The following CAMTA2 variants were observed in gnomAD, a reference collection of about 807,000 sequenced individuals.
CAMTA2 encodes the protein calmodulin-binding transcription activator 2.
A neutral mutation model predicts 135.7 loss-of-function variants in CAMTA2; 56 were observed. That is an observed-to-expected ratio of 0.41 (90% CI 0.33 to 0.52). CAMTA2 has a LOEUF of 0.52. Ranked by LOEUF, CAMTA2 falls within the 20% of genes least tolerant of loss-of-function variation. The pLI, the probability that CAMTA2 is intolerant of heterozygous loss-of-function variation, is 0.16. For synonymous variants in CAMTA2, 591 were observed against 604.6 expected (o/e 0.98, Z 0.33); for missense variants, 1,358 against 1,553.4 (o/e 0.87, Z 2.11).
chr17:4,980,196 C>G lies in CAMTA2; in HGVS notation c.1126G>C (p.Asp376His). ...GGGCTGTTGAGAAAACGATCAGGGT[C>G]AAAGGCAGGACTGGGAGGAGCTGGT... ...APPAPPSPAF[D>H]PDRFLNSPQR... Residue 376 changes from aspartate (D) to histidine (H), a missense_variant, in exon 9 of 23, where the codon GAC (aspartate) becomes CAC (histidine). Asp to His is a moderately conservative substitution (Grantham distance 81). This residue lies in a region of CAMTA2 where 1,077 missense variants were observed against 1,127.5 expected (regional missense o/e 0.96). Coordinates refer to ENST00000348066, the MANE Select transcript of CAMTA2 (RefSeq NM_015099.4). The surrounding 1 kb of genome is among the most constrained non-coding windows in gnomAD (Gnocchi z 5.3). The G allele has an allele frequency of 2.5e-6, 4 of 1,575,970 alleles. No individual in the cohort carries two copies. The highest frequency in any genetic ancestry group is 3.4e-6 in the Non-Finnish European group (4 of 1,160,620).
At chr17:4,984,816 C>T (rs7222708) in intron 3 of CAMTA2, among the ~76,000 whole-genome samples, 10,454 of 151,034 alleles carry the variant, frequency 0.069, 473 homozygotes, top group Non-Finnish European at 0.098. Context: ...GTCTAGAGTT[C>T]GAGACCAGCC....
At chr17:4,978,816 C>T (rs1233107666) in intron 9 of CAMTA2, among the ~76,000 whole-genome samples, 186 bp from the exon 10 acceptor site, 4 of 152,178 alleles carry the variant, frequency 2.6e-5, no homozygotes, top group African/African-American at 9.7e-5. Flanking sequence ...ACATTCCTGC[C>T]AAGTGGTTGC....
At chr17:4,986,170 G>A (rs1450109792) in intron 2 of CAMTA2, 22 bp downstream of exon 2, 6 of 1,449,020 alleles carry the variant, frequency 4.1e-6, no homozygotes, top group Non-Finnish European at 5.8e-6. Context: ...GGCCACATTG[G>A]GAACCTGGTT....
chr17:4,982,636 G>A, intron 5 of CAMTA2, 121 bp downstream of exon 5: 2 of 1,078,424 alleles, frequency 1.9e-6, no homozygotes, highest in Non-Finnish European at 1.3e-6. Context: ...AGTGAGAAGG[G>A]AAGAGTAACT....
At chr17:4,981,015 C>T (rs747749129) in intron 8 of CAMTA2, among the ~76,000 whole-genome samples, 5 of 152,174 alleles carry the variant, frequency 3.3e-5, no homozygotes, top group Non-Finnish European at 7.4e-5. Context: ...ACAGGAAGGG[C>T]AGAGGCTGCC....
rs1237842561 is a variant in CAMTA2, at chr17:4,987,599, G to A, written c.-71C>T. On this transcript the variant is annotated 5_prime_UTR_variant, in exon 1 of 23. Coordinates refer to ENST00000348066, the MANE Select transcript of CAMTA2 (RefSeq NM_015099.4). ...GAGAGGCCCTGGCTCTTACCTCCCG[G>A]GGTCCCGCGGGTGACGGCGGCAGCG... is the stretch of plus-strand genomic sequence containing the variant. The A allele has an allele frequency of 2.0e-6, 3 of 1,527,478 alleles. No homozygotes were observed. The highest frequency in any genetic ancestry group is 1.2e-5 in the South Asian group (1 of 82,968). 94.6% of individuals were successfully genotyped at this position (1,527,478 alleles called of 1,614,324 possible).
At position 4,973,580 on chromosome 17, in the gene CAMTA2, C is replaced by CGTG; in HGVS notation, c.2201+4_2201+5insCAC. ...CCCAGCCCTCACCCAGCTGCCCTTGCTCACCGCCACTGGCTCAGGGTCTCG... is the reference window on the plus strand; with the variant it reads ...CCCAGCCCTCACCCAGCTGCCCTTGCGTGTCACCGCCACTGGCTCAGGGTCTCG... On this transcript the variant is annotated splice_donor_region_variant and intron_variant, in intron 13 of 22. Coordinates refer to ENST00000348066, the MANE Select transcript of CAMTA2 (RefSeq NM_015099.4). The CGTG allele has an allele frequency of 6.2e-7, 1 of 1,609,584 alleles. No individual in the cohort carries two copies. Among genetic ancestry groups the CGTG allele is most frequent in the Non-Finnish European group, 8.5e-7 (1 of 1,179,006 alleles).
Position 4,968,438 on chromosome 17 carries a change from G to C in CAMTA2, c.*318C>G, listed in dbSNP as rs2151153039. 3.9e-6 allele frequency: 2 copies of C among 506,598 alleles called. No individual in the cohort carries two copies. Among genetic ancestry groups the C allele is most frequent in the South Asian group, 5.1e-5 (2 of 38,868 alleles). 31.4% of individuals were successfully genotyped at this position (506,598 alleles called of 1,614,324 possible). A position where few individuals can be genotyped will look rare whatever the true frequency, so the allele number is the denominator to read the frequency against. On this transcript the variant is annotated 3_prime_UTR_variant, in exon 23 of 23. Transcript: ENST00000348066. ...TCGAACAAATAAATAAGGCAAGTCA[G>C]GAGGGGGCCGAGTCGGGTGCAGGCA...
intron 10 of CAMTA2, among the ~76,000 whole-genome samples, chr17:4,977,589 C>A (rs1242343597): frequency 6.6e-6 from 1 of 152,214 alleles, no homozygotes; most frequent in East Asian, 1.9e-4. Flanking sequence ...TGAACAGTGT[C>A]CAGTGGCCAT....
intron 3 of CAMTA2, among the ~76,000 whole-genome samples, chr17:4,984,575 C>T (rs7222336): frequency 0.09 from 13,629 of 152,214 alleles, 790 homozygotes; most frequent in Non-Finnish European, 0.12. Flanking sequence ...CACACATACA[C>T]GCATCGTTTT....
At chr17:4,986,710 A>G (rs1323340369) in intron 1 of CAMTA2, 1 of 553,960 alleles carries the variant, frequency 1.8e-6, no homozygotes. Flanking sequence ...CTCCGGTAGA[A>G]GCTAGGCCTT....
intron 1 of CAMTA2, chr17:4,986,726 G>T: frequency 1.8e-6 from 1 of 555,648 alleles, no homozygotes; most frequent in Admixed American, 3.6e-5. Context: ...GCCTTTAGAA[G>T]ACACGCCCTG....
chr17:4,983,584 C>G (rs894326556), intron 3 of CAMTA2: 2 of 144,792 alleles, frequency 1.4e-5, no homozygotes, highest in Admixed American at 1.4e-4. Context: ...CGTGCCCAGA[C>G]TTTTTTTTTT....
chr17:4,979,870 T>C lies in CAMTA2; in HGVS notation c.1452A>G (p.Arg484=), dbSNP rs767517545. The change falls in exon 9 of 23, where the codon AGA becomes AGG. Residue 484 remains arginine (R), a synonymous_variant. Transcript: ENST00000348066. ...APLEPSSRVG[R]GEALFGGPVG... is the part of the protein sequence containing the mutation. Reference sequence around the variant, plus strand: ...CAGGTCCTCCAAACAAGGCCTCTCCTCTTCCTACCCTGCTTGACGGCTCCA... The same window carrying C: ...CAGGTCCTCCAAACAAGGCCTCTCCCCTTCCTACCCTGCTTGACGGCTCCA... 1.9e-6 allele frequency: 3 copies of C among 1,604,134 alleles called. No homozygotes were observed. The East Asian group carries it at 6.8e-5, about 37-fold the overall frequency.
chr17:4,983,903 C>G (rs1045563032), intron 3 of CAMTA2: 2 of 151,784 alleles, frequency 1.3e-5, no homozygotes, highest in Admixed American at 6.6e-5. Context: ...CTTCCTGACT[C>G]AAAAAATTTC....
chr17:4,980,513 G>T lies in CAMTA2; in HGVS notation c.809C>A (p.Pro270Gln), dbSNP rs745629388. The change falls in exon 9 of 23, where the codon CCA (proline) becomes CAA (glutamine). Residue 270 changes from proline to glutamine, a missense_variant. Pro to Gln is a moderately conservative substitution (Grantham distance 76). Transcript: ENST00000348066. This position sits in a 1 kb window ranked among gnomAD's most constrained non-coding sequence, Gnocchi z 5.3. Reference sequence around the variant, plus strand: ...TGGGGCTATCAGTGGAGGAGGCTCTGGGGGGTGAGCGTGGGGGATAGAGGT... The same window carrying T: ...TGGGGCTATCAGTGGAGGAGGCTCTTGGGGGTGAGCGTGGGGGATAGAGGT... ...TLTSIPHAHP[P>Q]EPPPLIAPLP... 1.7e-5 allele frequency: 28 copies of T among 1,612,122 alleles called. No individual in the cohort carries two copies. The highest frequency in any genetic ancestry group is 2.4e-5 in the Non-Finnish European group (28 of 1,178,630).
At position 4,970,024 on chromosome 17, in the gene CAMTA2, GA is replaced by G; in HGVS notation, c.3066del (p.Leu1023SerfsTer16). 9 of 1,614,168 alleles carry G rather than the reference GA, an allele frequency of 5.6e-6. No individual in the cohort carries two copies. The highest frequency in any genetic ancestry group is 7.6e-6 in the Non-Finnish European group (9 of 1,180,010). On this transcript the variant is annotated frameshift_variant, in exon 18 of 23. Coordinates refer to ENST00000348066, the MANE Select transcript of CAMTA2 (RefSeq NM_015099.4). LOFTEE classifies it high-confidence loss of function. Reference protein sequence around the residue: ...AVPSAPSWAEFLSASTSGKME... With the variant: ...AVPSAPSWAEXLSASTSGKME... ...ATCTTGCCACTGGTGGATGCAGAGA[GA>G]AACTCTGCCCAGGAGGGTGCTGAAG...
rs1972924296 is a variant in CAMTA2 at position 4,980,974 on chromosome 17, C to G, written c.700+251G>C. Among the ~76,000 whole-genome samples, 1 of 152,078 alleles carries G rather than the reference C, an allele frequency of 6.6e-6. No homozygotes were observed. Among genetic ancestry groups the G allele is most frequent in the Non-Finnish European group, 1.5e-5 (1 of 68,010 alleles). ...CTAAGGCTGGGTGTCACTGGTGGTG[C>G]TGAGGGGACAGGAATTGCTGAAGGT... On this transcript the variant is annotated intron_variant, in intron 8 of 22. Coordinates refer to ENST00000348066, the MANE Select transcript of CAMTA2 (RefSeq NM_015099.4). The surrounding 1 kb of genome is among the most constrained non-coding windows in gnomAD (Gnocchi z 5.3).
Position 4,979,937 on chromosome 17 carries a change from A to G in CAMTA2, c.1385T>C (p.Ile462Thr), listed in dbSNP as rs1972855382. The G allele has an allele frequency of 3.8e-6, 6 of 1,595,744 alleles. No individual in the cohort carries two copies. The highest frequency in any genetic ancestry group is 5.1e-6 in the Non-Finnish European group (6 of 1,166,796). ...ELKGHGAAPP[I>T]PSPPPSPPPS... ...TGGGGGTGAGGGAGGGGGTGAAGGTATGGGTGGGGCAGCCCCGTGACCCTT... is the reference window on the plus strand; with the variant it reads ...TGGGGGTGAGGGAGGGGGTGAAGGTGTGGGTGGGGCAGCCCCGTGACCCTT... The change falls in exon 9 of 23, where the codon ATA becomes ACA. Residue 462 changes from isoleucine (I) to threonine (T), a missense_variant. By Grantham distance (89) the Ile-to-Thr change is moderately conservative (BLOSUM62 -1). Around this residue, in one of 4 missense-constraint regions of CAMTA2, gnomAD observed 1,077 missense variants for 1,127.5 expected, o/e 0.96. Coordinates refer to ENST00000348066, the MANE Select transcript of CAMTA2 (RefSeq NM_015099.4).
Sources: allele counts gnomAD v4.1 joint callset (sites outside exome capture counted in the v4.1 genomes callset), GRCh38; gene constraint gnomAD v4.1.1; regional missense constraint gnomAD v4.1.1; non-coding constraint Gnocchi (gnomAD v3.1); transcripts MANE v1.5; gene names NCBI Gene and HGNC (gene_info 2026-07-23, HGNC 2026-07-21).